The following ADGRV1 variants were observed in gnomAD, a reference collection of about 807,000 sequenced individuals.
ADGRV1 encodes the protein adhesion G protein-coupled receptor V1.
A neutral mutation model predicts 596.2 loss-of-function variants in ADGRV1; 359 were observed. That is an observed-to-expected ratio of 0.60 (90% CI 0.55 to 0.66). The LOEUF is 0.66. Ranked by LOEUF, ADGRV1 falls within the 30% of genes least tolerant of loss-of-function variation. ADGRV1 has a pLI of 0.00. For synonymous variants in ADGRV1, 2,681 were observed against 2,679.2 expected (o/e 1.00, Z -0.02); for missense variants, 7,274 against 7,575.6 (o/e 0.96, Z 1.48).
At chr5:90,968,896 A>G (rs1384651034) in intron 84 of ADGRV1, among the ~76,000 whole-genome samples, 6 of 152,218 alleles carry the variant, frequency 3.9e-5, no homozygotes, top group Non-Finnish European at 7.3e-5. Flanking sequence ...GCTTATAATG[A>G]CAATAAATTA....
chr5:90,766,151 C>T (rs954638291), intron 59 of ADGRV1, among the ~76,000 whole-genome samples: 6 of 152,068 alleles, frequency 3.9e-5, no homozygotes, highest in Admixed American at 6.5e-5. Context: ...CCTCATGATC[C>T]GCCCGCCTTG....
At chr5:90,622,767 G>A in intron 5 of ADGRV1, 66 bp downstream of exon 5, 3 of 764,778 alleles carry the variant, frequency 3.9e-6, no homozygotes, top group Non-Finnish European at 1.9e-6. Context: ...TTTTGAGACA[G>A]TCTTGCTCTG....
chr5:91,160,198 CA>C lies in ADGRV1; in HGVS notation c.18803-3580del, dbSNP rs558980442. Among the ~76,000 whole-genome samples, 116 of 152,254 alleles carry C rather than the reference CA, an allele frequency of 7.6e-4. 1 individual carries two copies. Among genetic ancestry groups the C allele is most frequent in the African/African-American group, 2.7e-3 (114 of 41,536 alleles). Reference sequence around the variant, plus strand: ...AATGAAAACATTCAGAATCAAGGCCCAAAATACTCAAACTTCTCCAAGAACT... The same window carrying C: ...AATGAAAACATTCAGAATCAAGGCCCAAATACTCAAACTTCTCCAAGAACT... On this transcript the variant is annotated intron_variant, in intron 89 of 89. Coordinates refer to ENST00000405460, the MANE Select transcript of ADGRV1 (RefSeq NM_032119.4).
chr5:90,958,331 A>G (rs1254309154), intron 83 of ADGRV1, among the ~76,000 whole-genome samples: 2 of 151,768 alleles, frequency 1.3e-5, no homozygotes, highest in Non-Finnish European at 2.9e-5. Context: ...GGAAAAAGAA[A>G]AAGAAATATT....
intron 20 of ADGRV1, chr5:90,654,830 T>C (rs1769170472): frequency 1.3e-5 from 2 of 152,162 alleles, no homozygotes; most frequent in South Asian, 4.1e-4. Flanking sequence ...CACTTTGTGG[T>C]ATTATCCACT....
rs541089352 is a variant in ADGRV1, at chr5:91,009,229, C to T, written c.18152+23707C>T. Among the ~76,000 whole-genome samples, 4 of 152,260 alleles carry T rather than the reference C, an allele frequency of 2.6e-5. No homozygotes were observed. The South Asian group carries it at 6.2e-4, about 24-fold the overall frequency. ...AAGGGAGCAACTATGACTTTCCACT[C>T]ACAGAATCTGGGCAAAATGATCTTT... is the stretch of plus-strand genomic sequence containing the variant. On this transcript the variant is annotated intron_variant, in intron 85 of 89. Coordinates refer to ENST00000405460, the MANE Select transcript of ADGRV1 (RefSeq NM_032119.4).
chr5:90,689,553 G>A (rs1204828107), intron 29 of ADGRV1, among the ~76,000 whole-genome samples: 12 of 151,700 alleles, frequency 7.9e-5, no homozygotes, highest in Admixed American at 7.9e-4. Context: ...AGTTAAGGGG[G>A]CCTATCTTGT....
At chr5:90,796,263 C>G (rs894479974) in intron 70 of ADGRV1, among the ~76,000 whole-genome samples, 1 of 151,992 alleles carries the variant, frequency 6.6e-6, no homozygotes, top group Admixed American at 6.6e-5. Context: ...CTAGAATAAC[C>G]AGTTTAGAGA....
chr5:91,135,356 C>T (rs1794547368), intron 87 of ADGRV1, among the ~76,000 whole-genome samples: 1 of 152,112 alleles, frequency 6.6e-6, no homozygotes, highest in East Asian at 1.9e-4. Context: ...GCTTTTGTTG[C>T]CTTTCCTATA....
At chr5:90,903,893 C>G (rs998692319) in intron 83 of ADGRV1, among the ~76,000 whole-genome samples, 1 of 151,950 alleles carries the variant, frequency 6.6e-6, no homozygotes, top group African/African-American at 2.4e-5. Flanking sequence ...CATTAACCAT[C>G]CTTTCCTTTC....
At chr5:91,125,508 T>C (rs1793674521) in intron 87 of ADGRV1, among the ~76,000 whole-genome samples, 2 of 152,180 alleles carry the variant, frequency 1.3e-5, no homozygotes, top group Admixed American at 1.3e-4. Context: ...CAGGCGACAC[T>C]AGTCTTGGGC....
intron 1 of ADGRV1, among the ~76,000 whole-genome samples, chr5:90,602,825 T>C (rs1761582496): frequency 6.6e-6 from 1 of 152,232 alleles, no homozygotes; most frequent in African/African-American, 2.4e-5. Context: ...TTAATAGACA[T>C]GGTGGTGGCT....
chr5:91,034,811 C>A (rs781035864), intron 85 of ADGRV1, among the ~76,000 whole-genome samples: 2 of 152,128 alleles, frequency 1.3e-5, no homozygotes, highest in Non-Finnish European at 2.9e-5. Flanking sequence ...TCCTCTTTAT[C>A]CCCCTGTTAT....
At chr5:90,887,997 G>A (rs1417482134) in intron 83 of ADGRV1, among the ~76,000 whole-genome samples, 1 of 152,148 alleles carries the variant, frequency 6.6e-6, no homozygotes, top group Non-Finnish European at 1.5e-5. Flanking sequence ...TCCCTACAGA[G>A]TCTAACTCTA....
intron 83 of ADGRV1, among the ~76,000 whole-genome samples, chr5:90,933,863 G>A (rs1775461230): frequency 6.6e-6 from 1 of 152,142 alleles, no homozygotes; most frequent in African/African-American, 2.4e-5. Context: ...TATTCTGCTA[G>A]GTGGTATGAA....
intron 70 of ADGRV1, among the ~76,000 whole-genome samples, chr5:90,800,280 C>G (rs187318777): frequency 1.3e-5 from 2 of 152,214 alleles, no homozygotes; most frequent in Non-Finnish European, 2.9e-5. Context: ...TGAACAGACA[C>G]TTCTCAGAAG....
chr5:90,867,806 A>G (rs926015900), intron 83 of ADGRV1, among the ~76,000 whole-genome samples: 1 of 152,202 alleles, frequency 6.6e-6, no homozygotes, highest in East Asian at 1.9e-4. Context: ...TAAAATGTTC[A>G]TCAGTCAGAA....
chr5:90,703,621 T>C, intron 34 of ADGRV1, 44 bp from the exon 35 acceptor site: 1 of 1,459,142 alleles, frequency 6.9e-7, no homozygotes, highest in South Asian at 1.2e-5. Context: ...ATGTGAAGTT[T>C]ATTTTCCATT....
intron 85 of ADGRV1, among the ~76,000 whole-genome samples, chr5:91,023,186 A>G (rs1270907344): frequency 1.3e-5 from 2 of 152,186 alleles, no homozygotes; most frequent in African/African-American, 4.8e-5. Context: ...TTTACAGTTA[A>G]TAAAGCTAGT....
Sources: gnomAD v4.1 joint callset for allele counts (sites outside exome capture counted in the v4.1 genomes callset) on GRCh38, gnomAD v4.1.1 for gene constraint, MANE v1.5 for transcripts, NCBI Gene and HGNC (gene_info 2026-07-23, HGNC 2026-07-21) for gene names.